Variants in USP33 observed in about 807,000 individuals in gnomAD.
USP33 encodes ubiquitin carboxyl-terminal hydrolase 33.
A neutral mutation model predicts 124.2 loss-of-function variants in USP33; 46 were observed. That is an observed-to-expected ratio of 0.37 (90% confidence interval 0.29 to 0.47). The LOEUF (loss-of-function observed/expected upper bound fraction) is 0.47, where lower values mean the gene tolerates loss of function less well. Ranked by LOEUF, USP33 falls within the 20% of genes least tolerant of loss-of-function variation. USP33 has a pLI of 0.99. For missense variants in USP33, 851 were observed against 1,070.6 expected (o/e 0.79, Z 2.86); for synonymous variants, 350 against 352.3 (o/e 0.99, Z 0.07).
chr1:77,748,613 G>A (rs963262462), intron 1 of USP33, among the ~76,000 whole-genome samples: 1 of 150,890 alleles, frequency 6.6e-6, no homozygotes, highest in Non-Finnish European at 1.5e-5. Flanking sequence ...AGGCTGCAGT[G>A]AGCCAAGATT....
chr1:77,741,681 T>C lies in USP33; in HGVS notation c.17A>G (p.Asn6Ser), dbSNP rs1191035389. The C allele has an allele frequency of 1.2e-6, 2 of 1,605,780 alleles. No individual in the cohort carries two copies. Among genetic ancestry groups the C allele is most frequent in the Non-Finnish European group, 1.7e-6 (2 of 1,176,888 alleles). Residue 6 changes from asparagine to serine, a missense_variant, in exon 2 of 24, where the codon AAT (asparagine) becomes AGT (serine). Physicochemically the swap from Asn to Ser is conservative, Grantham distance 46. Coordinates refer to ENST00000370794, the MANE Select transcript of USP33 (RefSeq NM_201624.3). ...AACTGAATCCAAATGTGGACAATGA[T>C]TTCGAAAAGCTGACATTTTGTTAGG... MSAFR[N>S]HCPHLDSVGE...
intron 1 of USP33, among the ~76,000 whole-genome samples, chr1:77,744,276 A>C (rs1174475793): frequency 6.6e-6 from 1 of 152,218 alleles, no homozygotes; most frequent in Non-Finnish European, 1.5e-5. Context: ...CTAATAAAAA[A>C]TGACAGGCAT....
At chr1:77,751,626 A>G (rs1031768907) in intron 1 of USP33, among the ~76,000 whole-genome samples, 1 of 151,990 alleles carries the variant, frequency 6.6e-6, no homozygotes, top group Non-Finnish European at 1.5e-5. Context: ...GCACCACTGC[A>G]CTCCCGCCTG....
chr1:77,740,528 G>C (rs1010360740), intron 4 of USP33, among the ~76,000 whole-genome samples: 4 of 151,944 alleles, frequency 2.6e-5, no homozygotes, highest in Non-Finnish European at 1.5e-5. Context: ...TAATTTTTTT[G>C]TACTTTTAAT....
chr1:77,698,425 T>A (rs1471478092), intron 22 of USP33, among the ~76,000 whole-genome samples: 1 of 151,664 alleles, frequency 6.6e-6, no homozygotes, highest in Non-Finnish European at 1.5e-5. Context: ...TAGTTCTTAG[T>A]TCCCCCAAAA....
At chr1:77,739,468 T>G (rs1352023052) in intron 4 of USP33, 51 bp from the exon 5 acceptor site, 2 of 1,490,638 alleles carry the variant, frequency 1.3e-6, no homozygotes, top group African/African-American at 2.8e-5. Flanking sequence ...TACATATACT[T>G]GAAAAGACTT....
At chr1:77,755,487 G>A (rs1343273037) in intron 1 of USP33, among the ~76,000 whole-genome samples, 1 of 152,180 alleles carries the variant, frequency 6.6e-6, no homozygotes. Flanking sequence ...CTTGAGGTCA[G>A]GAGTTTGAGA....
At chr1:77,720,334 TTAG>T (rs1462937247) in intron 15 of USP33, 2 of 985,302 alleles carry the variant, frequency 2.0e-6, no homozygotes, top group African/African-American at 3.5e-5. Context: ...TATCTTTTTC[TTAG>T]TATGCTTTGC....
At chr1:77,703,729 C>T (rs1474704318) in intron 21 of USP33, among the ~76,000 whole-genome samples, 1 of 152,192 alleles carries the variant, frequency 6.6e-6, no homozygotes, top group Non-Finnish European at 1.5e-5. Flanking sequence ...TTGTACCCAT[C>T]ACCTTTTAAT....
chr1:77,729,785 A>G, intron 9 of USP33, 75 bp downstream of exon 9: 21 of 1,410,576 alleles, frequency 1.5e-5, no homozygotes, highest in Non-Finnish European at 2.1e-5. Context: ...AAAGATAAGT[A>G]GACCCAAAAA....
chr1:77,715,761 C>A lies in USP33; in HGVS notation c.2026G>T (p.Ala676Ser). 6.2e-7 allele frequency: 1 copy of A among 1,613,558 alleles called. No individual in the cohort carries two copies. The highest frequency in any genetic ancestry group is 8.5e-7 in the Non-Finnish European group (1 of 1,179,880). Reference protein sequence around the residue: ...VSESTVQNAEAYVLFYRKSSE... With the variant: ...VSESTVQNAESYVLFYRKSSE... ...CATTACCTATAGAAAAGAACGTAAG[C>A]TTCTGCATTTTGTACAGTAGATTCT... is the stretch of plus-strand genomic sequence containing the variant. The change falls in exon 18 of 24, where the codon GCT becomes TCT. Residue 676 changes from alanine to serine, a missense_variant. Transcript: ENST00000370794.
At chr1:77,757,647 T>C (rs1288225397) in intron 1 of USP33, among the ~76,000 whole-genome samples, 3 of 152,254 alleles carry the variant, frequency 2.0e-5, no homozygotes, top group African/African-American at 7.2e-5. Context: ...GCATTTTATG[T>C]ACTTCATTTT....
At chr1:77,725,816 G>GGGCCGGGCGCGGTGGCTCACGCCTGTAA in intron 10 of USP33, 54 bp from the exon 11 acceptor site, 1 of 1,444,244 alleles carries the variant, frequency 6.9e-7, no homozygotes, top group Non-Finnish European at 9.4e-7. Flanking sequence ...TATTCTAACT[G>GGGCCGGGCGCGGTGGCTCACGCCTGTAA]TCCAATAATG....
chr1:77,703,203 C>T (rs929814164), intron 21 of USP33, among the ~76,000 whole-genome samples: 2 of 152,176 alleles, frequency 1.3e-5, no homozygotes, highest in Non-Finnish European at 2.9e-5. Context: ...ACAAATACAC[C>T]TCTGCCTCAC....
At chr1:77,720,962 A>T (rs183936086) in intron 15 of USP33, among the ~76,000 whole-genome samples, 24 of 152,156 alleles carry the variant, frequency 1.6e-4, no homozygotes, top group African/African-American at 5.5e-4. Context: ...CTCAAAATAT[A>T]CTCTCTCACA....
chr1:77,715,599 C>T (rs1675791035), intron 18 of USP33, 143 bp downstream of exon 18: 1 of 877,846 alleles, frequency 1.1e-6, no homozygotes, highest in African/African-American at 1.7e-5. Flanking sequence ...ACATATACAG[C>T]CTTTCACTGT....
intron 22 of USP33, among the ~76,000 whole-genome samples, chr1:77,699,435 G>A (rs1040011321): frequency 1.3e-5 from 2 of 152,100 alleles, no homozygotes; most frequent in South Asian, 4.1e-4. Context: ...CAGGACAATC[G>A]TCTGAACCCA....
chr1:77,748,436 T>TG (rs1199694096), intron 1 of USP33, among the ~76,000 whole-genome samples: 6 of 152,124 alleles, frequency 3.9e-5, no homozygotes, highest in African/African-American at 1.4e-4. Context: ...TTTGGGAGGC[T>TG]GAGGCGGGTG....
chr1:77,700,582 TG>T (rs1414931622), intron 22 of USP33, among the ~76,000 whole-genome samples: 1 of 152,174 alleles, frequency 6.6e-6, no homozygotes, highest in Admixed American at 6.5e-5. Flanking sequence ...TACTTAAACC[TG>T]GGCAACAGGG....
Sources: gnomAD v4.1 joint callset for allele counts (sites outside exome capture counted in the v4.1 genomes callset) on GRCh38, gnomAD v4.1.1 for gene constraint, MANE v1.5 for transcripts, NCBI Gene and HGNC (gene_info 2026-07-23, HGNC 2026-07-21) for gene names.